SVOPL: variants seen among roughly 807,000 people sequenced by gnomAD.
SVOPL encodes putative transporter SVOPL.
Under a neutral mutation model 61.0 loss-of-function variants are expected in SVOPL, and 60 were observed. That is an observed-to-expected ratio of 0.98 (90% confidence interval 0.80 to 1.22). SVOPL has a LOEUF of 1.22. Among genes scored for constraint, SVOPL ranks in the 50% most tolerant of loss-of-function variants. The pLI is 0.00. For synonymous variants in SVOPL, 279 were observed against 250.0 expected, an observed-to-expected ratio of 1.12 and a Z score of -1.09; for missense variants, 662 against 643.9, an observed-to-expected ratio of 1.03 and a Z score of -0.30.
intron 14 of SVOPL, among the ~76,000 whole-genome samples, chr7:138,612,436 T>TAAAAAAAAAAAAAAAAAAAAAAAAAAAA (rs60800575): frequency 5.6e-5 from 1 of 17,856 alleles, no homozygotes; most frequent in Non-Finnish European, 1.1e-4. Flanking sequence ...AAATAAAAAA[T>TAAAAAAAAAAAAAAAAAAAAAAAAAAAA]AAAAAAAAAA....
chr7:138,595,961 G>A (rs1276706513), intron 15 of SVOPL, among the ~76,000 whole-genome samples: 2 of 152,150 alleles, frequency 1.3e-5, no homozygotes, highest in Non-Finnish European at 2.9e-5. Context: ...GCCAAGACAG[G>A]TGGATCATTT....
rs560915234 is a variant in SVOPL at position 138,699,779 on chromosome 7, G to A, written c.-35+1399C>T. Among the ~76,000 whole-genome samples, 88 of 152,328 alleles carry A rather than the reference G, an allele frequency of 5.8e-4. No individual in the cohort carries two copies. The Middle Eastern group carries it at 0.014, about 24-fold the overall frequency. ...TGGTGGTGAGGTGTGGCTCCGAGGAGCAAGTCAGCCCTCGCCCCGCCACCG... is the reference window on the plus strand; with the variant it reads ...TGGTGGTGAGGTGTGGCTCCGAGGAACAAGTCAGCCCTCGCCCCGCCACCG... On this transcript the variant is annotated intron_variant, in intron 1 of 15. Coordinates refer to ENST00000674285, the MANE Select transcript of SVOPL (RefSeq NM_001139456.2).
intron 14 of SVOPL, among the ~76,000 whole-genome samples, chr7:138,598,959 C>A (rs1459595618): frequency 6.6e-6 from 1 of 151,346 alleles, no homozygotes; most frequent in Non-Finnish European, 1.5e-5. Flanking sequence ...TGAGAAAAAA[C>A]TAATTCTAAA....
At chr7:138,638,291 A>AAG (rs1554463657) in intron 9 of SVOPL, among the ~76,000 whole-genome samples, 2 of 135,744 alleles carry the variant, frequency 1.5e-5, no homozygotes, top group East Asian at 2.2e-4. Context: ...AAAAAAAAAA[A>AAG]AAGTATAAAA....
chr7:138,662,744 T>G, intron 5 of SVOPL: 3 of 1,120,506 alleles, frequency 2.7e-6, no homozygotes, highest in Non-Finnish European at 3.3e-6. Flanking sequence ...CATGACTGCT[T>G]CTAAGTCCCA....
chr7:138,689,343 G>A, intron 1 of SVOPL: 2 of 1,591,434 alleles, frequency 1.3e-6, no homozygotes, highest in Non-Finnish European at 1.7e-6. Flanking sequence ...AGTGAACAAA[G>A]CACCTAAGAT....
chr7:138,660,203 C>A, intron 5 of SVOPL: 5 of 1,310,018 alleles, frequency 3.8e-6, no homozygotes, highest in Non-Finnish European at 4.9e-6. Flanking sequence ...TCAGACCATT[C>A]TTTAAAACTA....
At chr7:138,632,713 G>A (rs1426576558) in intron 9 of SVOPL, among the ~76,000 whole-genome samples, 1 of 151,428 alleles carries the variant, frequency 6.6e-6, no homozygotes, top group Non-Finnish European at 1.5e-5. Flanking sequence ...GGGAGACAGG[G>A]GGTTGTGGAG....
At chr7:138,691,514 T>A (rs1397320759) in intron 1 of SVOPL, among the ~76,000 whole-genome samples, 3 of 152,216 alleles carry the variant, frequency 2.0e-5, no homozygotes, top group African/African-American at 7.2e-5. Flanking sequence ...CACTTACTAC[T>A]GAGCAGAACA....
chr7:138,606,584 AG>A (rs1227793560), intron 14 of SVOPL, among the ~76,000 whole-genome samples: 2 of 152,106 alleles, frequency 1.3e-5, no homozygotes, highest in African/African-American at 4.8e-5. Flanking sequence ...CAAAAAACAA[AG>A]GCATCTCCAC....
chr7:138,603,861 C>T (rs1376987727), intron 14 of SVOPL, among the ~76,000 whole-genome samples: 1 of 151,946 alleles, frequency 6.6e-6, no homozygotes, highest in Non-Finnish European at 1.5e-5. Context: ...CTCCTTGTGA[C>T]AGACTCCAGA....
At chr7:138,655,627 T>C (rs1801689530) in intron 7 of SVOPL, among the ~76,000 whole-genome samples, 1 of 132,712 alleles carries the variant, frequency 7.5e-6, no homozygotes, top group Non-Finnish European at 1.6e-5. Context: ...TGCATATAAA[T>C]GTATATATAC....
At chr7:138,602,205 C>A (rs1197501826) in intron 14 of SVOPL, among the ~76,000 whole-genome samples, 1 of 151,850 alleles carries the variant, frequency 6.6e-6, no homozygotes, top group Admixed American at 6.6e-5. Flanking sequence ...AAAGCAAGAT[C>A]CCATCTCTTG....
At chr7:138,663,323 G>C in intron 4 of SVOPL, 178 bp from the exon 5 acceptor site, 1 of 1,435,050 alleles carries the variant, frequency 7.0e-7, no homozygotes, top group Non-Finnish European at 9.1e-7. Flanking sequence ...CAGGATTTCA[G>C]CTCCCTGTTG....
rs906343578 is a variant in SVOPL at position 138,644,744 on chromosome 7, C to T, written c.762G>A (p.Pro254=). 9.3e-6 allele frequency: 15 copies of T among 1,614,030 alleles called. No individual in the cohort carries two copies. The highest frequency in any genetic ancestry group is 2.2e-5 in the East Asian group (1 of 44,886). The change falls in exon 9 of 16, where the codon CCG becomes CCA. Residue 254 remains proline, a synonymous_variant. Transcript: ENST00000674285. ...RVAKMNRSVM[P]EGKLVEPVLE... is the part of the protein sequence containing the mutation. ...GGACGGGCTCCACCAGCTTCCCCTC[C>T]GGCATGACCGAGCGGTTCATCTTGG...
At chr7:138,608,135 G>A (rs1312212965) in intron 14 of SVOPL, among the ~76,000 whole-genome samples, 1 of 152,142 alleles carries the variant, frequency 6.6e-6, no homozygotes, top group Non-Finnish European at 1.5e-5. Context: ...CAAAGAAAGA[G>A]ACAAACCTTG....
At chr7:138,637,157 G>A (rs528656525) in intron 9 of SVOPL, among the ~76,000 whole-genome samples, 4 of 152,120 alleles carry the variant, frequency 2.6e-5, no homozygotes, top group African/African-American at 4.8e-5. Context: ...TGGGCTGGGC[G>A]TGGTGGATGC....
intron 1 of SVOPL, among the ~76,000 whole-genome samples, chr7:138,696,016 A>G (rs1803057543): frequency 6.6e-6 from 1 of 152,150 alleles, no homozygotes; most frequent in African/African-American, 2.4e-5. Context: ...CCCTGACCTC[A>G]GGTGATCTGC....
At position 138,594,458 on chromosome 7, in the gene SVOPL, C is replaced by T; in HGVS notation, c.*152G>A. ...AAGGAAGAGATCAATATACAGTTAC[C>T]TACCCCATTCCCATATATGCCTTTA... is the stretch of plus-strand genomic sequence containing the variant. On this transcript the variant is annotated 3_prime_UTR_variant, in exon 16 of 16. Transcript: ENST00000674285. 2.0e-6 allele frequency: 1 copy of T among 495,798 alleles called. No homozygotes were observed. Among genetic ancestry groups the T allele is most frequent in the Non-Finnish European group, 3.5e-6 (1 of 283,708 alleles). 30.7% of individuals were successfully genotyped at this position (495,798 alleles called of 1,614,324 possible).
Sources: allele counts gnomAD v4.1 joint callset (sites outside exome capture counted in the v4.1 genomes callset), GRCh38; gene constraint gnomAD v4.1.1; transcripts MANE v1.5; gene names NCBI Gene and HGNC (gene_info 2026-07-23, HGNC 2026-07-21).